Variants in MYO5B observed in about 807,000 individuals in gnomAD.
MYO5B encodes unconventional myosin-Vb.
A neutral mutation model predicts 229.3 loss-of-function variants in MYO5B; 143 were observed. The ratio of observed to expected loss-of-function variants is 0.62; its 90% CI spans 0.54 to 0.72. MYO5B has a LOEUF of 0.72. MYO5B is among the 30% of genes least tolerant of loss of function. The pLI, the probability that MYO5B is intolerant of heterozygous loss-of-function variation, is 0.00. For missense variants in MYO5B, 2,321 were observed against 2,331.0 expected, an observed-to-expected ratio of 1.00 and a Z score of 0.09; for synonymous variants, 918 against 885.2, an observed-to-expected ratio of 1.04 and a Z score of -0.66.
rs1417941396 is a variant in MYO5B at position 50,020,055 on chromosome 18, T to C, written c.455+16795A>G. On this transcript the variant is annotated intron_variant, in intron 4 of 39. Coordinates refer to ENST00000285039, the MANE Select transcript of MYO5B (RefSeq NM_001080467.3). ...CCAAGCTCATCTACCCTAGGCTACTTAGCAAAGCCTGCAGCTCCACACCCT... is the reference window on the plus strand; with the variant it reads ...CCAAGCTCATCTACCCTAGGCTACTCAGCAAAGCCTGCAGCTCCACACCCT... 2.0e-5 allele frequency among the ~76,000 whole-genome samples: 3 copies of C among 152,112 alleles called. No individual in the cohort carries two copies. The East Asian group carries it at 5.8e-4, about 29-fold the overall frequency.
At position 50,086,078 on chromosome 18, in the gene MYO5B, T is replaced by TA. The variant is rs960365267; in HGVS notation, c.28-30701dup. Among the ~76,000 whole-genome samples, 9 of 151,940 alleles carry TA rather than the reference T, an allele frequency of 5.9e-5. No individual in the cohort carries two copies. In the South Asian group the frequency reaches 1.0e-3, roughly 18 times the overall value. ...CTTAAAGTATAATAATAATAAAATTTAAAAAAAAGATTTTAATTTTAAAAT... is the reference window on the plus strand; with the variant it reads ...CTTAAAGTATAATAATAATAAAATTTAAAAAAAAAGATTTTAATTTTAAAAT... On this transcript the variant is annotated intron_variant, in intron 1 of 39. Transcript: ENST00000285039.
At chr18:50,142,399 C>A (rs2032431546) in intron 1 of MYO5B, among the ~76,000 whole-genome samples, 1 of 152,172 alleles carries the variant, frequency 6.6e-6, no homozygotes, top group Admixed American at 6.5e-5. Context: ...TGCAATTCTA[C>A]CAAGTGGTCA....
At chr18:49,994,688 G>GA (rs1300073488) in intron 5 of MYO5B, among the ~76,000 whole-genome samples, 1 of 152,148 alleles carries the variant, frequency 6.6e-6, no homozygotes, top group African/African-American at 2.4e-5. Flanking sequence ...AGGCGATGGG[G>GA]ACTCACGCTC....
chr18:50,027,353 G>A (rs149278352), intron 4 of MYO5B, among the ~76,000 whole-genome samples: 3 of 152,096 alleles, frequency 2.0e-5, no homozygotes, highest in Non-Finnish European at 4.4e-5. Flanking sequence ...ACCCAGGAGG[G>A]TTCTGCCTGC....
At chr18:49,856,968 G>C (rs1295603635) in intron 29 of MYO5B, 78 bp from the exon 30 acceptor site, 3 of 1,267,284 alleles carry the variant, frequency 2.4e-6, no homozygotes, top group Non-Finnish European at 3.5e-6. Flanking sequence ...TGGAAAGTGA[G>C]GAGATTCTAG....
At chr18:49,880,983 G>A (rs373392734) in intron 22 of MYO5B, among the ~76,000 whole-genome samples, 6 of 152,176 alleles carry the variant, frequency 3.9e-5, no homozygotes, top group South Asian at 2.1e-4. Flanking sequence ...AGCCTGCACC[G>A]AGTCAAGTTG....
chr18:49,862,514 T>TC (rs1291583619), intron 29 of MYO5B, among the ~76,000 whole-genome samples: 1 of 152,170 alleles, frequency 6.6e-6, no homozygotes, highest in Non-Finnish European at 1.5e-5. Flanking sequence ...GAGGCACCTA[T>TC]CGGTCATGTG....
intron 7 of MYO5B, among the ~76,000 whole-genome samples, chr18:49,986,426 G>C (rs1361138852): frequency 6.6e-6 from 1 of 152,164 alleles, no homozygotes; most frequent in Non-Finnish European, 1.5e-5. Flanking sequence ...TAACCACCAG[G>C]TGACCCTGCC....
At chr18:50,167,044 A>C (rs2032862908) in intron 1 of MYO5B, among the ~76,000 whole-genome samples, 1 of 152,370 alleles carries the variant, frequency 6.6e-6, no homozygotes, top group South Asian at 2.1e-4. Flanking sequence ...AGGATATTAA[A>C]GATCTAAACG....
chr18:49,935,174 A>G (rs2025235732), intron 16 of MYO5B, among the ~76,000 whole-genome samples: 1 of 152,224 alleles, frequency 6.6e-6, no homozygotes, highest in South Asian at 2.1e-4. Context: ...ACTTCATGGG[A>G]CTTTGACGTC....
intron 5 of MYO5B, among the ~76,000 whole-genome samples, chr18:50,000,605 T>A (rs1306826274): frequency 6.6e-6 from 1 of 152,134 alleles, no homozygotes; most frequent in African/African-American, 2.4e-5. Context: ...CAAGATCTAG[T>A]TTTTAGCAAA....
chr18:50,127,832 T>G lies in MYO5B; in HGVS notation c.27+66935A>C, dbSNP rs1275706880. Among the ~76,000 whole-genome samples the G allele has an allele frequency of 2.0e-5, 3 of 152,202 alleles. No homozygotes were observed. In the South Asian group the frequency reaches 6.2e-4, roughly 32 times the overall value. On this transcript the variant is annotated intron_variant, in intron 1 of 39. Transcript: ENST00000285039. The stretch of plus-strand genomic sequence containing the variant: ...GAGTAAAGCAGGTTGCCCTCCCCAC[T>G]GCGGGTGGGCCTCATGCAATCAGTT...
chr18:49,929,189 A>G (rs1407339464), intron 17 of MYO5B, among the ~76,000 whole-genome samples: 4 of 152,200 alleles, frequency 2.6e-5, no homozygotes, highest in African/African-American at 9.7e-5. Context: ...GGGAATGGTA[A>G]AGGGGACAAG....
In MYO5B at chr18:50,055,251, C is replaced by A; in HGVS notation, c.138+17G>T. ...CCCCACCTCACCCCCGCCCCCCTGC[C>A]CCGGACTCACTCTTACCGTTTCATC... On this transcript the variant is annotated intron_variant, in intron 2 of 39. Transcript: ENST00000285039. 7.2e-7 allele frequency: 1 copy of A among 1,395,456 alleles called. No individual in the cohort carries two copies. The highest frequency in any genetic ancestry group is 1.0e-6 in the Non-Finnish European group (1 of 985,422). 86.4% of individuals were successfully genotyped at this position (1,395,456 alleles called of 1,614,324 possible). A position where few individuals can be genotyped will look rare whatever the true frequency, so the allele number is the denominator to read the frequency against.
chr18:50,108,470 G>A (rs920017243), intron 1 of MYO5B, among the ~76,000 whole-genome samples: 1 of 152,152 alleles, frequency 6.6e-6, no homozygotes, highest in Non-Finnish European at 1.5e-5. Flanking sequence ...TATTGATGGT[G>A]TTTCTCCTAT....
intron 4 of MYO5B, 74 bp downstream of exon 4, chr18:50,036,776 G>T: frequency 6.5e-7 from 1 of 1,548,922 alleles, no homozygotes; most frequent in East Asian, 2.2e-5. Flanking sequence ...AGCATCAGTT[G>T]CAGAGGAAGG....
chr18:49,933,012 C>T (rs2025211130), intron 16 of MYO5B, among the ~76,000 whole-genome samples: 1 of 152,222 alleles, frequency 6.6e-6, no homozygotes, highest in South Asian at 2.1e-4. Context: ...ATGCTTTCCT[C>T]TCCCAATAGG....
intron 22 of MYO5B, among the ~76,000 whole-genome samples, chr18:49,892,825 G>A (rs1267969272): frequency 2.0e-5 from 3 of 152,162 alleles, no homozygotes; most frequent in African/African-American, 7.2e-5. Flanking sequence ...TCTCCTGTTG[G>A]TTTCTGAGTG....
At chr18:50,018,512 A>C (rs773160932) in intron 4 of MYO5B, among the ~76,000 whole-genome samples, 4 of 152,216 alleles carry the variant, frequency 2.6e-5, no homozygotes, top group Non-Finnish European at 5.9e-5. Context: ...GGTCAAGGCA[A>C]GCTTTATGAA....
Sources: allele counts gnomAD v4.1 joint callset (sites outside exome capture counted in the v4.1 genomes callset), GRCh38; gene constraint gnomAD v4.1.1; transcripts MANE v1.5; gene names NCBI Gene and HGNC (gene_info 2026-07-23, HGNC 2026-07-21).